GHR: variants seen among roughly 807,000 people sequenced by gnomAD.
GHR encodes the protein growth hormone receptor.
GHR carries 35 observed loss-of-function variants against 67.1 expected under a neutral mutation model. The observed-to-expected ratio is 0.52, with a 90% CI of 0.40 to 0.69. The LOEUF is 0.69. GHR is among the 30% of genes least tolerant of loss of function. The pLI, the probability that GHR is intolerant of heterozygous loss-of-function variation, is 0.00. For missense variants in GHR, 792 were observed against 764.6 expected (o/e 1.04, Z -0.42); for synonymous variants, 272 against 269.1 (o/e 1.01, Z -0.10).
At chr5:42,451,490 C>T (rs181707155) in intron 1 of GHR, among the ~76,000 whole-genome samples, 244 of 151,820 alleles carry the variant, frequency 1.6e-3, no homozygotes, top group African/African-American at 5.7e-3. Context: ...ACCTGTAATC[C>T]CAGCACTTTG....
At chr5:42,461,176 C>T (rs1197462889) in intron 1 of GHR, among the ~76,000 whole-genome samples, 1 of 152,278 alleles carries the variant, frequency 6.6e-6, no homozygotes, top group African/African-American at 2.4e-5. Flanking sequence ...GACACAGCTG[C>T]CCCTTGTAAT....
At chr5:42,598,656 A>C (rs1752207122) in intron 2 of GHR, among the ~76,000 whole-genome samples, 1 of 152,234 alleles carries the variant, frequency 6.6e-6, no homozygotes, top group Admixed American at 6.5e-5. Flanking sequence ...GTTACTGCCC[A>C]CTGCCTTTCA....
intron 1 of GHR, among the ~76,000 whole-genome samples, chr5:42,434,934 C>T (rs768514972): frequency 1.3e-5 from 2 of 152,168 alleles, no homozygotes; most frequent in Non-Finnish European, 2.9e-5. Context: ...TTGAATACAA[C>T]CCTTCTTATC....
intron 2 of GHR, among the ~76,000 whole-genome samples, chr5:42,572,708 A>T (rs1750398981): frequency 6.6e-6 from 1 of 152,196 alleles, no homozygotes; most frequent in Non-Finnish European, 1.5e-5. Context: ...TTATATAACA[A>T]TTTAACTTAA....
At position 42,627,853 on chromosome 5, in the gene GHR, T is replaced by C. The variant is rs188938312; in HGVS notation, c.71-1185T>C. ...CCTTATAGCAAAGGCAGAGGGCCAG[T>C]GTGACAGCTTTCTGTATCCCAAGCT... is the stretch of plus-strand genomic sequence containing the variant. On this transcript the variant is annotated intron_variant, in intron 2 of 9. Coordinates refer to ENST00000230882, the MANE Select transcript of GHR (RefSeq NM_000163.5). Among the ~76,000 whole-genome samples the C allele has an allele frequency of 5.6e-4, 85 of 152,332 alleles. No individual in the cohort carries two copies. The East Asian group carries it at 0.01, about 18-fold the overall frequency.
At chr5:42,618,686 T>C (rs1402604733) in intron 2 of GHR, among the ~76,000 whole-genome samples, 3 of 152,166 alleles carry the variant, frequency 2.0e-5, no homozygotes, top group African/African-American at 7.2e-5. Context: ...GCACTTAACT[T>C]ACTATGTGCC....
chr5:42,653,072 C>T (rs1287719143), intron 3 of GHR, among the ~76,000 whole-genome samples: 1 of 152,074 alleles, frequency 6.6e-6, no homozygotes, highest in Non-Finnish European at 1.5e-5. Flanking sequence ...TGAGCAAGAC[C>T]ATATACTAAA....
chr5:42,590,772 A>G (rs1751733739), intron 2 of GHR, among the ~76,000 whole-genome samples: 1 of 152,206 alleles, frequency 6.6e-6, no homozygotes, highest in Non-Finnish European at 1.5e-5. Flanking sequence ...CTTTGAATGG[A>G]TCTTCAGGCT....
intron 1 of GHR, among the ~76,000 whole-genome samples, chr5:42,474,245 G>GAGACAGACAGAA (rs1561325151): frequency 8.3e-6 from 1 of 120,792 alleles, no homozygotes; most frequent in Non-Finnish European, 1.7e-5. Context: ...AAGAAAGAGA[G>GAGACAGACAGAA]AGAAAGACAG....
intron 1 of GHR, among the ~76,000 whole-genome samples, chr5:42,553,575 G>C (rs571202923): frequency 7.2e-5 from 11 of 152,216 alleles, no homozygotes; most frequent in South Asian, 6.2e-4. Context: ...ACAGGCTCAG[G>C]TGATTACATC....
chr5:42,652,131 C>T (rs1247358423), intron 3 of GHR, among the ~76,000 whole-genome samples: 1 of 152,140 alleles, frequency 6.6e-6, no homozygotes, highest in Non-Finnish European at 1.5e-5. Flanking sequence ...ATCTCACTTC[C>T]TATACCAAAT....
chr5:42,670,865 T>TAA (rs71608658), intron 3 of GHR, among the ~76,000 whole-genome samples: 1,595 of 112,084 alleles, frequency 0.014, 19 homozygotes, highest in Middle Eastern at 0.025. Flanking sequence ...AAGCAAAAAT[T>TAA]AAAAAAAAAA....
intron 2 of GHR, among the ~76,000 whole-genome samples, chr5:42,578,181 A>G: frequency 6.6e-6 from 1 of 152,098 alleles, no homozygotes; most frequent in East Asian, 1.9e-4. Flanking sequence ...CTCAGTTGCA[A>G]CAACCAAAAC....
chr5:42,579,144 A>AGATAGAT (rs1750994006), intron 2 of GHR, among the ~76,000 whole-genome samples: 1 of 34,602 alleles, frequency 2.9e-5, no homozygotes, highest in Non-Finnish European at 6.7e-5. Flanking sequence ...GATAGATGAT[A>AGATAGAT]GATAGATATA....
intron 3 of GHR, among the ~76,000 whole-genome samples, chr5:42,643,215 T>C (rs1057053071): frequency 1.3e-5 from 2 of 152,100 alleles, no homozygotes; most frequent in African/African-American, 4.8e-5. Context: ...ACGCACCATT[T>C]CTCCAGCACT....
rs200084031 is a variant in GHR, at chr5:42,718,970, C to T, written c.1463C>T (p.Ala488Val). ...TCACTGTCAAACATCGACTTTTATG[C>T]CCAGGTGAGCGACATTACACCAGCA... is the stretch of plus-strand genomic sequence containing the variant. ...PSSLSNIDFY[A>V]QVSDITPAGS... is the part of the protein sequence containing the mutation. The change falls in exon 10 of 10, where the codon GCC becomes GTC. Residue 488 changes from alanine (A) to valine (V), a missense_variant. Transcript: ENST00000230882. The T allele has an allele frequency of 7.9e-5, 127 of 1,612,776 alleles. No homozygotes were observed. The Admixed American group carries it at 1.0e-3, about 13-fold the overall frequency.
At chr5:42,457,602 T>G (rs902891577) in intron 1 of GHR, among the ~76,000 whole-genome samples, 6 of 152,224 alleles carry the variant, frequency 3.9e-5, no homozygotes, top group African/African-American at 1.4e-4. Flanking sequence ...CATTAACCTG[T>G]ATAACCAGAC....
At chr5:42,694,777 G>A (rs113549374) in intron 4 of GHR, 140 bp from the exon 5 acceptor site, 26 of 724,810 alleles carry the variant, frequency 3.6e-5, no homozygotes, top group Admixed American at 1.9e-4. Flanking sequence ...GATATGTCTC[G>A]GAAATGATGT....
chr5:42,684,960 A>G (rs1026557299), intron 3 of GHR, among the ~76,000 whole-genome samples: 2 of 151,932 alleles, frequency 1.3e-5, no homozygotes, highest in African/African-American at 4.8e-5. Flanking sequence ...TATTATTATT[A>G]TACTTTAAGT....
Sources: allele counts gnomAD v4.1 joint callset (sites outside exome capture counted in the v4.1 genomes callset), GRCh38; gene constraint gnomAD v4.1.1; transcripts MANE v1.5; gene names NCBI Gene and HGNC (gene_info 2026-07-23, HGNC 2026-07-21).